HMGB1: variants seen among roughly 807,000 people sequenced by gnomAD.
The protein encoded by HMGB1 is high mobility group box 1.
For missense variants in HMGB1, 79 were observed against 253.5 expected, an observed-to-expected ratio of 0.31 and a Z score of 4.67; for synonymous variants, 81 against 84.0, an observed-to-expected ratio of 0.96 and a Z score of 0.19.
chr13:30,480,437 G>A (rs1282781022), intron 1 of HMGB1, among the ~76,000 whole-genome samples: 1 of 152,290 alleles, frequency 6.6e-6, no homozygotes, highest in Non-Finnish European at 1.5e-5. Context: ...TAGAGATGGG[G>A]TCTCACTATG....
At chr13:30,492,678 A>G (rs756169651) in intron 1 of HMGB1, among the ~76,000 whole-genome samples, 2 of 152,130 alleles carry the variant, frequency 1.3e-5, no homozygotes, top group Admixed American at 6.6e-5. Context: ...AGCACTTTGG[A>G]AAACTGATAG....
At chr13:30,462,423 C>G (rs1400894407) in intron 4 of HMGB1, 115 bp downstream of exon 4, 1 of 860,160 alleles carries the variant, frequency 1.2e-6, no homozygotes, top group Non-Finnish European at 2.0e-6. Context: ...GGACTTATAT[C>G]AACACCATAC....
intron 1 of HMGB1, among the ~76,000 whole-genome samples, chr13:30,546,489 T>C (rs1869164821): frequency 6.6e-6 from 1 of 152,088 alleles, no homozygotes; most frequent in Non-Finnish European, 1.5e-5. Flanking sequence ...AGTGTGATTT[T>C]CCTCTTTTTT....
At position 30,559,083 on chromosome 13, in the gene HMGB1, A is replaced by C. The variant is rs79404665; in HGVS notation, c.-15+57588T>G. Among the ~76,000 whole-genome samples the C allele has an allele frequency of 0.013, 2,003 of 152,254 alleles. 41 individuals are homozygous for C. The highest frequency in any genetic ancestry group is 0.046 in the African/African-American group (1,917 of 41,544). On this transcript the variant is annotated intron_variant, in intron 1 of 4. Coordinates refer to the HMGB1 transcript ENST00000405805. The surrounding 1 kb of genome is among the most constrained non-coding windows in gnomAD (Gnocchi z 6.6). ...AATCTATAGTTACTTTTAATTTTTA[A>C]AAATATCTTTTGAGGACTTCTCTAG...
chr13:30,551,522 T>C (rs1869428749), intron 1 of HMGB1, among the ~76,000 whole-genome samples: 1 of 152,208 alleles, frequency 6.6e-6, no homozygotes, highest in South Asian at 2.1e-4. Flanking sequence ...TCTAATCCAT[T>C]CTCATTAAAC....
intron 1 of HMGB1, among the ~76,000 whole-genome samples, chr13:30,508,957 C>T (rs1394115297): frequency 6.6e-6 from 1 of 152,152 alleles, no homozygotes; most frequent in Non-Finnish European, 1.5e-5. Context: ...TGTTTTGAGA[C>T]AGGGTCTTGC....
chr13:30,540,790 G>A (rs558299590), intron 1 of HMGB1: 5 of 151,930 alleles, frequency 3.3e-5, no homozygotes, highest in Non-Finnish European at 7.4e-5. Flanking sequence ...CTCCATGTTG[G>A]TCAGGCTGGT....
chr13:30,567,409 T>C (rs1013403253), intron 1 of HMGB1, among the ~76,000 whole-genome samples: 2 of 150,674 alleles, frequency 1.3e-5, no homozygotes, highest in Non-Finnish European at 2.9e-5. Flanking sequence ...AGTGGCATGA[T>C]CTTGGTTCAC....
intron 1 of HMGB1, among the ~76,000 whole-genome samples, chr13:30,569,010 C>G (rs1253490234): frequency 6.6e-6 from 1 of 152,154 alleles, no homozygotes; most frequent in African/African-American, 2.4e-5. Context: ...AACCCCATCT[C>G]TATTAAAAAT....
chr13:30,575,942 G>A (rs969073927), intron 1 of HMGB1, among the ~76,000 whole-genome samples: 2 of 152,048 alleles, frequency 1.3e-5, no homozygotes, highest in Non-Finnish European at 2.9e-5. Context: ...GACATAACAG[G>A]AGCCGCTGGT....
intron 1 of HMGB1, among the ~76,000 whole-genome samples, chr13:30,538,787 T>TTTCTTCC (rs1555238950): frequency 1.8e-4 from 24 of 135,700 alleles, no homozygotes; most frequent in Middle Eastern, 3.5e-3. Context: ...CCTTCTTTCT[T>TTTCTTCC]TTTCTTTCTT....
At chr13:30,548,056 ACT>A (rs1366567371) in intron 1 of HMGB1, among the ~76,000 whole-genome samples, 8 of 152,204 alleles carry the variant, frequency 5.3e-5, no homozygotes. Context: ...TAGGAATACC[ACT>A]GTTTCAGGTT....
intron 1 of HMGB1, among the ~76,000 whole-genome samples, chr13:30,571,508 C>A (rs575974800): frequency 4.8e-4 from 73 of 152,156 alleles, no homozygotes; most frequent in South Asian, 4.1e-3. Context: ...GCTGGCCAGG[C>A]TGGTCTTGAA....
intron 1 of HMGB1, among the ~76,000 whole-genome samples, chr13:30,615,253 A>G (rs1950549892): frequency 1.3e-5 from 2 of 152,338 alleles, no homozygotes; most frequent in East Asian, 1.9e-4. Context: ...GTCTTAAGTT[A>G]CTTTTTTAAA....
rs185660037 is a variant in HMGB1, at chr13:30,589,193, T to C, written c.-15+27478A>G. Among the ~76,000 whole-genome samples, 562 of 151,914 alleles carry C rather than the reference T, an allele frequency of 3.7e-3. 2 individuals are homozygous for C. Among genetic ancestry groups the C allele is most frequent in the African/African-American group, 0.011 (458 of 41,480 alleles). Reference sequence around the variant, plus strand: ...GCTAATTTTGTATTTTTAGTAGAGATGGGGTTTCTCCATGTTGGTCAGGCT... The same window carrying C: ...GCTAATTTTGTATTTTTAGTAGAGACGGGGTTTCTCCATGTTGGTCAGGCT... On this transcript the variant is annotated intron_variant, in intron 1 of 4. Coordinates refer to the HMGB1 transcript ENST00000405805.
chr13:30,464,577 G>T lies in HMGB1; in HGVS notation c.-14-883C>A. 16 of 982,124 alleles carry T rather than the reference G, an allele frequency of 1.6e-5. No individual in the cohort carries two copies. In the South Asian group the frequency reaches 1.9e-4, roughly 12 times the overall value. The allele number at this position is 982,124 out of a possible 1,614,324, so 60.8% of individuals were successfully genotyped here. On this transcript the variant is annotated intron_variant, in intron 1 of 4. Coordinates refer to ENST00000341423, the MANE Select transcript of HMGB1 (RefSeq NM_002128.7). ...CACGTGCGCCCGGCAGGCCCTGCAGGCCCGCGCCGCCGCCGCCCCCATTTT... is the reference window on the plus strand; with the variant it reads ...CACGTGCGCCCGGCAGGCCCTGCAGTCCCGCGCCGCCGCCGCCCCCATTTT...
At chr13:30,550,633 G>A (rs1323360251) in intron 1 of HMGB1, among the ~76,000 whole-genome samples, 1 of 152,038 alleles carries the variant, frequency 6.6e-6, no homozygotes, top group Non-Finnish European at 1.5e-5. Flanking sequence ...TGACACACTC[G>A]GGCCACCTCC....
intron 1 of HMGB1, among the ~76,000 whole-genome samples, chr13:30,560,095 G>GAGA (rs1869884378): frequency 6.6e-6 from 1 of 152,136 alleles, no homozygotes; most frequent in South Asian, 2.1e-4. Flanking sequence ...AATGAGGGTA[G>GAGA]AGATTATATC....
intron 1 of HMGB1, among the ~76,000 whole-genome samples, chr13:30,615,950 A>C (rs1950556656): frequency 6.6e-6 from 1 of 152,258 alleles, no homozygotes; most frequent in South Asian, 2.1e-4. Flanking sequence ...CACTGCTGAC[A>C]AGCGATGGAC....
Sources: allele counts gnomAD v4.1 joint callset (sites outside exome capture counted in the v4.1 genomes callset), GRCh38; gene constraint gnomAD v4.1.1; non-coding constraint Gnocchi (gnomAD v3.1); transcripts MANE v1.5; gene names NCBI Gene and HGNC (gene_info 2026-07-23, HGNC 2026-07-21).